The following AKR1C3 variants were observed in gnomAD, a reference collection of about 807,000 sequenced individuals.
The protein encoded by AKR1C3 is 3-alpha hydroxysteroid dehydrogenase, type II.
In AKR1C3, 48 loss-of-function variants were observed where a neutral mutation model predicts 43.6. The ratio of observed to expected loss-of-function variants is 1.10; its 90% CI spans 0.87 to 1.40. The LOEUF is 1.40. Among genes scored for constraint, AKR1C3 ranks in the 40% most tolerant of loss-of-function variants. The probability of loss-of-function intolerance (pLI) is 0.00; values close to 1 mark genes in which losing one functional copy is unlikely to be tolerated. For missense variants in AKR1C3, 482 were observed against 391.2 expected, an observed-to-expected ratio of 1.23 and a Z score of -1.96; for synonymous variants, 162 against 139.6, an observed-to-expected ratio of 1.16 and a Z score of -1.13.
chr10:5,102,036 ATC>A, intron 5 of AKR1C3, 63 bp from the exon 6 acceptor site: 1 of 1,049,300 alleles, frequency 9.5e-7, no homozygotes, highest in Non-Finnish European at 1.5e-6. Flanking sequence ...CCTTACTTTC[ATC>A]TTTTCAATAT....
chr10:5,101,241 A>G (rs782081069), intron 5 of AKR1C3, among the ~76,000 whole-genome samples: 3 of 152,196 alleles, frequency 2.0e-5, no homozygotes, highest in Non-Finnish European at 4.4e-5. Context: ...ATAATTCCTA[A>G]CAGAAGAAGT....
intron 1 of AKR1C3, among the ~76,000 whole-genome samples, chr10:5,050,046 G>T (rs1275851750): frequency 6.9e-6 from 1 of 145,074 alleles, no homozygotes; most frequent in Non-Finnish European, 1.5e-5. Context: ...TCCAAAATTT[G>T]TGCTTATATC....
At chr10:5,091,381 A>C (rs1275784604), upstream of AKR1C3, among the ~76,000 whole-genome samples, 1 of 152,158 alleles carries the variant, frequency 6.6e-6, no homozygotes, top group African/African-American at 2.4e-5. Flanking sequence ...CAATGGGCTA[A>C]TGTCAATGTG....
rs533857528 is a variant in AKR1C3 at position 5,102,450 on chromosome 10, C to T, written c.681-35C>T. On this transcript the variant is annotated intron_variant, in intron 6 of 8. Transcript: ENST00000380554. ...GAGCCGCCTAACAAACTATCGCCAG[C>T]CTCAGGGCCTCAGCCTTTCTGCCTT... The T allele has an allele frequency of 4.2e-5, 59 of 1,411,554 alleles. No individual in the cohort carries two copies. The South Asian group carries it at 8.0e-4, about 19-fold the overall frequency. 87.4% of individuals were successfully genotyped at this position (1,411,554 alleles called of 1,614,324 possible). A position where few individuals can be genotyped will look rare whatever the true frequency, so the allele number is the denominator to read the frequency against.
intron 1 of AKR1C3, among the ~76,000 whole-genome samples, chr10:5,051,334 T>C (rs782644451): frequency 2.6e-5 from 4 of 152,212 alleles, no homozygotes; most frequent in South Asian, 2.1e-4. Context: ...TGACCTCAGG[T>C]GATCCACTCA....
intron 1 of AKR1C3, chr10:5,080,729 T>A (rs1211609432): frequency 6.6e-6 from 1 of 152,302 alleles, no homozygotes; most frequent in Non-Finnish European, 1.5e-5. Context: ...ACTATCTGTG[T>A]CTCACTTTCT....
At chr10:5,087,172 T>G (rs1329927707) in intron 1 of AKR1C3, among the ~76,000 whole-genome samples, 1 of 152,196 alleles carries the variant, frequency 6.6e-6, no homozygotes, top group Non-Finnish European at 1.5e-5. Context: ...TCGCTGGTCT[T>G]TACAATTTGG....
intron 1 of AKR1C3, among the ~76,000 whole-genome samples, chr10:5,076,144 C>T (rs994015476): frequency 6.6e-6 from 1 of 152,178 alleles, no homozygotes. Flanking sequence ...AACAGTAGTT[C>T]TCAAATCATA....
At chr10:5,081,759 A>G (rs1838842192) in intron 1 of AKR1C3, 1 of 152,208 alleles carries the variant, frequency 6.6e-6, no homozygotes. Flanking sequence ...TCTGCAAAAC[A>G]TCACTGCCCA....
intron 1 of AKR1C3, among the ~76,000 whole-genome samples, chr10:5,057,520 G>A (rs1838286968): frequency 6.6e-6 from 1 of 152,180 alleles, no homozygotes; most frequent in Admixed American, 6.5e-5. Flanking sequence ...CGAGTGATTT[G>A]GGTGACGGGA....
chr10:5,069,657 T>G (rs1261710813), intron 1 of AKR1C3, among the ~76,000 whole-genome samples: 2 of 152,102 alleles, frequency 1.3e-5, no homozygotes, highest in African/African-American at 4.8e-5. Flanking sequence ...GGTGGATCAC[T>G]TGAGGTCAGG....
At position 5,080,026 on chromosome 10, in the gene AKR1C3, A is replaced by G. The variant is rs144904448; in HGVS notation, c.85-16384A>G. Reference sequence around the variant, plus strand: ...GGAATGAGCAAACATGACCTGGACAATGGCAATGAAGGAATTGTGCACGGC... The same window carrying G: ...GGAATGAGCAAACATGACCTGGACAGTGGCAATGAAGGAATTGTGCACGGC... On this transcript the variant is annotated intron_variant, in intron 1 of 8. Transcript: ENST00000439082. 1.8e-3 allele frequency among the ~76,000 whole-genome samples: 270 copies of G among 152,350 alleles called. 1 individual carries two copies. Among genetic ancestry groups the G allele is most frequent in the African/African-American group, 6.2e-3 (258 of 41,582 alleles).
At chr10:5,068,867 G>T (rs908168354) in intron 1 of AKR1C3, among the ~76,000 whole-genome samples, 26 of 152,224 alleles carry the variant, frequency 1.7e-4, no homozygotes, top group African/African-American at 6.3e-4. Context: ...AAGCAGGCAA[G>T]TTAAACAAAT....
rs1308182269 is a variant in AKR1C3 at position 5,096,506 on chromosome 10, G to C, written c.181G>C (p.Val61Leu). 3.1e-5 allele frequency: 50 copies of C among 1,613,768 alleles called. No individual in the cohort carries two copies. The highest frequency in any genetic ancestry group is 4.1e-5 in the Non-Finnish European group (48 of 1,179,828). ...TCATTTATACAATAATGAGGAGCAG[G>C]TTGGACTGGCCATCCGAAGCAAGAT... ...SAHLYNNEEQ[V>L]GLAIRSKIAD... is the part of the protein sequence containing the mutation. Residue 61 changes from valine to leucine, a missense_variant, in exon 2 of 9, where the codon GTT becomes CTT. Transcript: ENST00000380554.
At chr10:5,077,070 TC>T (rs2131811770) in intron 1 of AKR1C3, among the ~76,000 whole-genome samples, 1 of 152,310 alleles carries the variant, frequency 6.6e-6, no homozygotes, top group Admixed American at 6.5e-5. Flanking sequence ...TCTAGCCATT[TC>T]CCTGGTTAAA....
chr10:5,089,478 A>T (rs1009044274), upstream of AKR1C3, among the ~76,000 whole-genome samples: 2 of 152,224 alleles, frequency 1.3e-5, no homozygotes, highest in Admixed American at 6.5e-5. Context: ...GACTGGATTA[A>T]TTTGAAAGAC....
At chr10:5,082,238 A>C (rs1236487016) in intron 1 of AKR1C3, among the ~76,000 whole-genome samples, 14 of 152,136 alleles carry the variant, frequency 9.2e-5, no homozygotes, top group African/African-American at 3.4e-4. Context: ...GCAAACAAAA[A>C]TAATCTGACT....
At chr10:5,072,214 G>A (rs531571364) in intron 1 of AKR1C3, among the ~76,000 whole-genome samples, 1 of 152,254 alleles carries the variant, frequency 6.6e-6, no homozygotes, top group South Asian at 2.1e-4. Flanking sequence ...CCTGGCATAA[G>A]TCAAAATAAA....
At chr10:5,065,841 G>A (rs1554780749) in intron 1 of AKR1C3, among the ~76,000 whole-genome samples, 1 of 152,166 alleles carries the variant, frequency 6.6e-6, no homozygotes, top group African/African-American at 2.4e-5. Context: ...TTTCCCCACT[G>A]AGAGATGTGA....
Sources: gnomAD v4.1 joint callset for allele counts (sites outside exome capture counted in the v4.1 genomes callset) on GRCh38, gnomAD v4.1.1 for gene constraint, MANE v1.5 for transcripts, NCBI Gene and HGNC (gene_info 2026-07-23, HGNC 2026-07-21) for gene names.